Variants in LRP1B observed in about 807,000 individuals in gnomAD.
The protein encoded by LRP1B is low-density lipoprotein receptor-related protein 1B.
A neutral mutation model predicts 556.6 loss-of-function variants in LRP1B; 217 were observed. The observed-to-expected ratio is 0.39, with a 90% CI of 0.35 to 0.44. The LOEUF (loss-of-function observed/expected upper bound fraction) is 0.44, where lower values mean the gene tolerates loss of function less well. LRP1B is among the 20% of genes least tolerant of loss of function. The pLI, the probability that LRP1B is intolerant of heterozygous loss-of-function variation, is 1.00. For synonymous variants in LRP1B, 2,047 were observed against 1,865.8 expected, an observed-to-expected ratio of 1.10 and a Z score of -2.50; for missense variants, 5,053 against 5,620.8, an observed-to-expected ratio of 0.90 and a Z score of 3.23.
At chr2:140,805,154 C>T (rs1690667303) in intron 32 of LRP1B, among the ~76,000 whole-genome samples, 1 of 152,092 alleles carries the variant, frequency 6.6e-6, no homozygotes, top group Admixed American at 6.6e-5. Context: ...ACACAGGACC[C>T]ACCTTTTTTG....
At chr2:141,849,165 C>T (rs538402991) in intron 1 of LRP1B, among the ~76,000 whole-genome samples, 19 of 151,656 alleles carry the variant, frequency 1.3e-4, no homozygotes, top group Admixed American at 5.9e-4. Context: ...TTCAGGCTTA[C>T]AATGTCTTGC....
At chr2:141,605,963 CATTG>C (rs1687905623) in intron 2 of LRP1B, among the ~76,000 whole-genome samples, 1 of 149,662 alleles carries the variant, frequency 6.7e-6, no homozygotes, top group Non-Finnish European at 1.5e-5. Flanking sequence ...AAAAAAAAAA[CATTG>C]AGCCTAAATA....
At chr2:140,847,227 T>C (rs1692299734) in intron 29 of LRP1B, among the ~76,000 whole-genome samples, 1 of 152,200 alleles carries the variant, frequency 6.6e-6, no homozygotes, top group Admixed American at 6.5e-5. Context: ...AACTCTCTAC[T>C]AAACACAGTA....
chr2:140,906,167 C>T (rs1694248933), intron 22 of LRP1B, among the ~76,000 whole-genome samples: 1 of 152,056 alleles, frequency 6.6e-6, no homozygotes, highest in African/African-American at 2.4e-5. Flanking sequence ...ACAAAATTGT[C>T]TTTTTATTTT....
chr2:141,462,783 C>G (rs1286416643), intron 3 of LRP1B, among the ~76,000 whole-genome samples: 1 of 151,292 alleles, frequency 6.6e-6, no homozygotes, highest in Admixed American at 6.6e-5. Flanking sequence ...TGTTACTATA[C>G]TAGTAGTAAC....
rs556974178 is a variant in LRP1B at position 140,961,698 on chromosome 2, T to C, written c.2888-9758A>G. 2.6e-5 allele frequency among the ~76,000 whole-genome samples: 4 copies of C among 152,242 alleles called. No homozygotes were observed. The South Asian group carries it at 8.3e-4, about 32-fold the overall frequency. On this transcript the variant is annotated intron_variant, in intron 18 of 90. Transcript: ENST00000389484. ...CCATGAGGTAAGCATGTTTACATTA[T>C]TGTTATCACAATATAATATTATTTT...
intron 7 of LRP1B, among the ~76,000 whole-genome samples, chr2:141,185,683 C>CAAAA (rs148935362): frequency 1.3e-4 from 10 of 74,350 alleles, no homozygotes; most frequent in African/African-American, 4.4e-4. Flanking sequence ...GAAAAACAAA[C>CAAAA]AAACAAAAAA....
intron 2 of LRP1B, among the ~76,000 whole-genome samples, chr2:141,564,824 T>C (rs1686275636): frequency 6.6e-6 from 1 of 152,026 alleles, no homozygotes; most frequent in Non-Finnish European, 1.5e-5. Flanking sequence ...AAAATAAGCA[T>C]GAGTTTATTT....
intron 1 of LRP1B, among the ~76,000 whole-genome samples, chr2:142,050,946 G>C (rs1704433905): frequency 6.6e-6 from 1 of 152,096 alleles, no homozygotes; most frequent in Admixed American, 6.6e-5. Flanking sequence ...CCAGGAAAAA[G>C]AGCAATATTA....
At chr2:141,485,460 T>G (rs530155824) in intron 2 of LRP1B, among the ~76,000 whole-genome samples, 1 of 152,190 alleles carries the variant, frequency 6.6e-6, no homozygotes, top group African/African-American at 2.4e-5. Context: ...TGCTAGGATA[T>G]TTCAGTTGGA....
intron 41 of LRP1B, among the ~76,000 whole-genome samples, chr2:140,694,008 T>C (rs1686336982): frequency 6.6e-6 from 1 of 152,152 alleles, no homozygotes; most frequent in African/African-American, 2.4e-5. Context: ...GCTCCAGGCC[T>C]AATCACATTT....
At chr2:141,622,919 T>C (rs1688556205) in intron 2 of LRP1B, among the ~76,000 whole-genome samples, 1 of 152,180 alleles carries the variant, frequency 6.6e-6, no homozygotes, top group East Asian at 1.9e-4. Context: ...CCCCAACCCC[T>C]GCCACCTTTA....
chr2:141,703,647 G>A (rs35919147), intron 2 of LRP1B, among the ~76,000 whole-genome samples: 13,229 of 151,852 alleles, frequency 0.087, 738 homozygotes, highest in South Asian at 0.15. Flanking sequence ...CCTGTCTTGA[G>A]CTTTCTGAAA....
intron 2 of LRP1B, among the ~76,000 whole-genome samples, chr2:141,515,416 A>G (rs1378264119): frequency 6.6e-6 from 1 of 152,182 alleles, no homozygotes; most frequent in African/African-American, 2.4e-5. Context: ...TCCACTCTCC[A>G]TAGAAAAATA....
chr2:140,761,749 C>T (rs960458490), intron 35 of LRP1B, among the ~76,000 whole-genome samples: 1 of 152,292 alleles, frequency 6.6e-6, no homozygotes. Flanking sequence ...GATGAGACCA[C>T]ATCTCTGTGC....
chr2:142,116,716 C>A (rs1319230392), intron 1 of LRP1B, among the ~76,000 whole-genome samples: 2 of 152,040 alleles, frequency 1.3e-5, no homozygotes, highest in African/African-American at 4.8e-5. Context: ...TACAAATTTT[C>A]TGTAAGTCTA....
intron 7 of LRP1B, among the ~76,000 whole-genome samples, chr2:141,133,304 T>TC (rs370992972): frequency 2.8e-5 from 4 of 142,808 alleles, no homozygotes; most frequent in African/African-American, 1.1e-4. Context: ...TTTTTTTTTT[T>TC]CCACAATACT....
At chr2:141,877,445 G>T (rs1448839518) in intron 1 of LRP1B, among the ~76,000 whole-genome samples, 3 of 151,904 alleles carry the variant, frequency 2.0e-5, no homozygotes, top group Non-Finnish European at 2.9e-5. Flanking sequence ...CCCACTTGTA[G>T]GTCAAATTAA....
At chr2:142,068,846 C>A (rs769247879) in intron 1 of LRP1B, among the ~76,000 whole-genome samples, 6 of 151,502 alleles carry the variant, frequency 4.0e-5, no homozygotes, top group Non-Finnish European at 8.9e-5. Context: ...TAATATTTTT[C>A]TGTGATAATA....
Sources: allele counts gnomAD v4.1 joint callset (sites outside exome capture counted in the v4.1 genomes callset), GRCh38; gene constraint gnomAD v4.1.1; transcripts MANE v1.5; gene names NCBI Gene and HGNC (gene_info 2026-07-23, HGNC 2026-07-21).